Variants in CTNNA3 observed in about 807,000 individuals in gnomAD.
CTNNA3 encodes catenin alpha-3.
Under a neutral mutation model 95.7 loss-of-function variants are expected in CTNNA3, and 76 were observed. The ratio of observed to expected loss-of-function variants is 0.79; its 90% confidence interval spans 0.66 to 0.96. CTNNA3 has a LOEUF of 0.96. CTNNA3 is among the 40% of genes least tolerant of loss of function. CTNNA3 has a pLI of 0.00. For synonymous variants in CTNNA3, 431 were observed against 374.4 expected, an observed-to-expected ratio of 1.15 and a Z score of -1.74; for missense variants, 1,191 against 1,089.8, an observed-to-expected ratio of 1.09 and a Z score of -1.31.
At chr10:67,013,252 C>G (rs766239473) in intron 7 of CTNNA3, among the ~76,000 whole-genome samples, 1 of 151,474 alleles carries the variant, frequency 6.6e-6, no homozygotes. Context: ...TAAGTTGCCT[C>G]TCTTCATTTA....
At chr10:66,199,105 T>C (rs540435902) in intron 13 of CTNNA3, among the ~76,000 whole-genome samples, 1 of 152,218 alleles carries the variant, frequency 6.6e-6, no homozygotes, top group Admixed American at 6.5e-5. Context: ...CATGACTCCC[T>C]ACTTTGTTTT....
intron 7 of CTNNA3, among the ~76,000 whole-genome samples, chr10:66,946,726 A>G (rs896335459): frequency 6.6e-6 from 1 of 152,262 alleles, no homozygotes; most frequent in African/African-American, 2.4e-5. Context: ...GTAGAACTAC[A>G]TATTTCTCAT....
At chr10:66,137,235 A>G (rs780942464) in intron 13 of CTNNA3, among the ~76,000 whole-genome samples, 15 of 152,166 alleles carry the variant, frequency 9.9e-5, no homozygotes, top group Non-Finnish European at 1.5e-4. Flanking sequence ...TGTGCAACGC[A>G]ATGAGGATAC....
chr10:67,559,959 C>T (rs774817797), intron 3 of CTNNA3, among the ~76,000 whole-genome samples: 76 of 152,074 alleles, frequency 5.0e-4, no homozygotes, highest in Admixed American at 1.1e-3. Context: ...AAGAAATGAA[C>T]GAAGCCTCCA....
At chr10:66,069,535 A>G in intron 14 of CTNNA3, 46 bp from the exon 15 acceptor site, 1 of 1,459,458 alleles carries the variant, frequency 6.9e-7, no homozygotes, top group East Asian at 2.3e-5. Flanking sequence ...ACTATGTCAA[A>G]AGCATTTTAG....
chr10:67,171,058 C>T (rs1459543514), intron 7 of CTNNA3, among the ~76,000 whole-genome samples: 2 of 152,094 alleles, frequency 1.3e-5, no homozygotes, highest in Non-Finnish European at 1.5e-5. Context: ...CTGTATGTAG[C>T]TACTAGAAAA....
At chr10:66,593,712 A>G (rs1445977185) in intron 10 of CTNNA3, among the ~76,000 whole-genome samples, 1 of 152,130 alleles carries the variant, frequency 6.6e-6, no homozygotes, top group Admixed American at 6.5e-5. Context: ...TCAAGTTCTC[A>G]TCATACTTAA....
chr10:65,993,077 G>C (rs1236449455), intron 15 of CTNNA3, among the ~76,000 whole-genome samples: 1 of 151,954 alleles, frequency 6.6e-6, no homozygotes, highest in African/African-American at 2.4e-5. Flanking sequence ...CTCATTTCTA[G>C]TTTTATTTGA....
chr10:66,179,086 C>T (rs1250344777), intron 13 of CTNNA3, among the ~76,000 whole-genome samples: 1 of 151,852 alleles, frequency 6.6e-6, no homozygotes, highest in African/African-American at 2.4e-5. Flanking sequence ...CTATGTTCAC[C>T]ACAAAAACCT....
At chr10:67,636,652 C>A (rs1283153794) in intron 2 of CTNNA3, among the ~76,000 whole-genome samples, 1 of 152,102 alleles carries the variant, frequency 6.6e-6, no homozygotes, top group Non-Finnish European at 1.5e-5. Flanking sequence ...TACCTTACAC[C>A]ATATACAAAA....
chr10:66,081,749 T>C (rs2080770443), intron 14 of CTNNA3, among the ~76,000 whole-genome samples: 1 of 152,198 alleles, frequency 6.6e-6, no homozygotes, highest in Admixed American at 6.5e-5. Flanking sequence ...AATTATTCTT[T>C]GGCAAGGTTC....
At chr10:67,403,585 G>A (rs188681717) in intron 5 of CTNNA3, among the ~76,000 whole-genome samples, 67 of 151,858 alleles carry the variant, frequency 4.4e-4, no homozygotes, top group African/African-American at 1.6e-3. Context: ...TGCCCAGGGG[G>A]CCAGGTGGGC....
intron 5 of CTNNA3, among the ~76,000 whole-genome samples, chr10:67,516,633 C>T (rs1424082104): frequency 1.3e-5 from 2 of 152,130 alleles, no homozygotes; most frequent in Non-Finnish European, 2.9e-5. Context: ...GAGATATATA[C>T]ACATTTTGTA....
At chr10:66,065,522 C>T (rs2080296441) in intron 15 of CTNNA3, among the ~76,000 whole-genome samples, 1 of 152,052 alleles carries the variant, frequency 6.6e-6, no homozygotes, top group Admixed American at 6.6e-5. Context: ...CAAAAGTCAA[C>T]AACAAATTGA....
chr10:67,055,142 C>T (rs1318774188), intron 7 of CTNNA3: 2 of 152,150 alleles, frequency 1.3e-5, no homozygotes, highest in Admixed American at 1.3e-4. Flanking sequence ...TCTCCTGCTT[C>T]CTACCTACGC....
intron 9 of CTNNA3, among the ~76,000 whole-genome samples, chr10:66,624,150 G>C (rs1001907770): frequency 6.6e-6 from 1 of 152,248 alleles, no homozygotes; most frequent in Non-Finnish European, 1.5e-5. Flanking sequence ...CAAGGATATC[G>C]GGAGTTTTTG....
At chr10:66,503,106 C>G (rs2131969705) in intron 11 of CTNNA3, among the ~76,000 whole-genome samples, 1 of 152,246 alleles carries the variant, frequency 6.6e-6, no homozygotes, top group South Asian at 2.1e-4. Flanking sequence ...TTAACACTGG[C>G]CTGCCAATAA....
intron 13 of CTNNA3, among the ~76,000 whole-genome samples, chr10:66,185,042 T>C (rs1349796270): frequency 6.6e-6 from 1 of 152,220 alleles, no homozygotes; most frequent in Admixed American, 6.5e-5. Context: ...TCATGTCCCA[T>C]GCAACTGTGT....
chr10:65,968,767 T>A lies in CTNNA3; in HGVS notation c.2266-2021A>T, dbSNP rs530520552. The stretch of plus-strand genomic sequence containing the variant: ...AGTACCCAGTCCCCTGGATTAGGAG[T>A]TTAGGCCACCCCAAATCTGTGTGTA... On this transcript the variant is annotated intron_variant, in intron 16 of 17. Transcript: ENST00000433211. 3.9e-5 allele frequency among the ~76,000 whole-genome samples: 6 copies of A among 152,164 alleles called. No homozygotes were observed. The East Asian group carries it at 1.2e-3, about 29-fold the overall frequency.
Sources: allele counts gnomAD v4.1 joint callset (sites outside exome capture counted in the v4.1 genomes callset), GRCh38; gene constraint gnomAD v4.1.1; transcripts MANE v1.5; gene names NCBI Gene and HGNC (gene_info 2026-07-23, HGNC 2026-07-21).